The following ITGA9 variants were observed in gnomAD, a reference collection of about 807,000 sequenced individuals.
ITGA9 encodes integrin alpha-9.
ITGA9 carries 56 observed loss-of-function variants against 127.8 expected under a neutral mutation model. That is an observed-to-expected ratio of 0.44 (90% CI 0.35 to 0.55). ITGA9 has a LOEUF of 0.55. ITGA9 is among the 20% of genes least tolerant of loss of function. The pLI is 0.00. For missense variants in ITGA9, 1,196 were observed against 1,347.1 expected, an observed-to-expected ratio of 0.89 and a Z score of 1.76; for synonymous variants, 508 against 514.5, an observed-to-expected ratio of 0.99 and a Z score of 0.17.
chr3:37,782,375 A>C (rs971836294), intron 25 of ITGA9, among the ~76,000 whole-genome samples: 42 of 152,234 alleles, frequency 2.8e-4, no homozygotes, highest in African/African-American at 9.9e-4. Context: ...CTGCTTTTCT[A>C]TCCCGGCAGC....
At chr3:37,765,404 C>G (rs1265929700) in intron 23 of ITGA9, among the ~76,000 whole-genome samples, 1 of 152,138 alleles carries the variant, frequency 6.6e-6, no homozygotes, top group East Asian at 1.9e-4. Flanking sequence ...ATTTCCTTCC[C>G]CCTCAGTTTC....
chr3:37,763,848 T>G (rs1289024046), intron 23 of ITGA9, among the ~76,000 whole-genome samples: 1 of 152,196 alleles, frequency 6.6e-6, no homozygotes, highest in Non-Finnish European at 1.5e-5. Flanking sequence ...ACCCTCAATT[T>G]TTTTTGTGGA....
At position 37,471,010 on chromosome 3, in the gene ITGA9, C is replaced by G; in HGVS notation, c.189C>G (p.Val63=). The G allele has an allele frequency of 6.2e-7, 1 of 1,614,012 alleles. No homozygotes were observed. Among genetic ancestry groups the G allele is most frequent in the Non-Finnish European group, 8.5e-7 (1 of 1,179,954 alleles). The change falls in exon 2 of 28, where the codon GTC becomes GTG. Residue 63 remains valine, a synonymous_variant. Coordinates refer to ENST00000264741, the MANE Select transcript of ITGA9 (RefSeq NM_002207.3). The stretch of plus-strand genomic sequence containing the variant: ...ATGCCTTTTTCTCTTGCTGCAGGGT[C>G]CTTGTGGGCGCACCAAAGGCAGATT... ...LEHFHDNTRW[V]LVGAPKADSK...
chr3:37,558,945 C>A (rs909162007), intron 15 of ITGA9, among the ~76,000 whole-genome samples: 2 of 152,198 alleles, frequency 1.3e-5, no homozygotes, highest in Non-Finnish European at 2.9e-5. Context: ...TGCTGAGCTC[C>A]CTCACATCTG....
rs533840624 is a variant in ITGA9 at position 37,776,247 on chromosome 3, T to C, written c.2542-1145T>C. ...ACTATTGGGTACTAGGCTTAGTACC[T>C]GGGTGATGAAATAATCTGTACCAAA... On this transcript the variant is annotated intron_variant, in intron 23 of 27. Coordinates refer to ENST00000264741, the MANE Select transcript of ITGA9 (RefSeq NM_002207.3). 2.0e-5 allele frequency among the ~76,000 whole-genome samples: 3 copies of C among 152,292 alleles called. No individual in the cohort carries two copies. The South Asian group carries it at 6.2e-4, about 32-fold the overall frequency.
chr3:37,517,014 T>C (rs926734220), intron 9 of ITGA9, among the ~76,000 whole-genome samples: 15 of 152,356 alleles, frequency 9.8e-5, no homozygotes, highest in South Asian at 8.3e-4. Context: ...GCTTGGATTT[T>C]CTGAACCATG....
At chr3:37,815,561 A>T (rs1697420954) in intron 27 of ITGA9, among the ~76,000 whole-genome samples, 1 of 151,352 alleles carries the variant, frequency 6.6e-6, no homozygotes, top group Non-Finnish European at 1.5e-5. Flanking sequence ...GTGAGCCGAG[A>T]TGGCGCCATT....
chr3:37,808,698 A>G (rs1373694351), intron 27 of ITGA9: 2 of 152,142 alleles, frequency 1.3e-5, no homozygotes, highest in African/African-American at 4.8e-5. Flanking sequence ...ACTTAGTGGC[A>G]TTTACCTGGT....
At chr3:37,556,563 T>G (rs1699432998) in intron 15 of ITGA9, among the ~76,000 whole-genome samples, 1 of 152,178 alleles carries the variant, frequency 6.6e-6, no homozygotes, top group Non-Finnish European at 1.5e-5. Context: ...TGACAAGGAC[T>G]CCTCACGTTA....
chr3:37,453,975 C>T (rs1163086118), intron 1 of ITGA9, among the ~76,000 whole-genome samples: 4 of 152,310 alleles, frequency 2.6e-5, no homozygotes, highest in Non-Finnish European at 4.4e-5. Context: ...TCAAATTCCC[C>T]TTTTAAAGCG....
chr3:37,476,385 C>G (rs1438680793), intron 3 of ITGA9, among the ~76,000 whole-genome samples: 3 of 151,946 alleles, frequency 2.0e-5, no homozygotes, highest in Non-Finnish European at 4.4e-5. Context: ...AGTGGCCCTC[C>G]TAATGGGTGT....
intron 15 of ITGA9, among the ~76,000 whole-genome samples, chr3:37,559,475 G>T (rs1260517066): frequency 1.3e-5 from 2 of 152,182 alleles, no homozygotes; most frequent in Non-Finnish European, 2.9e-5. Context: ...TGAAAAATAC[G>T]CAAATGCATC....
At chr3:37,783,018 A>C (rs1696995992) in intron 25 of ITGA9, among the ~76,000 whole-genome samples, 1 of 152,128 alleles carries the variant, frequency 6.6e-6, no homozygotes, top group African/African-American at 2.4e-5. Flanking sequence ...GGGCACCTGT[A>C]GTCTCAGCTA....
At chr3:37,796,940 A>G (rs895982488) in intron 26 of ITGA9, among the ~76,000 whole-genome samples, 1 of 152,124 alleles carries the variant, frequency 6.6e-6, no homozygotes, top group Admixed American at 6.5e-5. Context: ...GGGACTCTGA[A>G]GTATACAGCT....
intron 18 of ITGA9, among the ~76,000 whole-genome samples, chr3:37,724,598 C>T (rs143243552): frequency 7.2e-5 from 11 of 152,094 alleles, no homozygotes; most frequent in Non-Finnish European, 1.6e-4. Context: ...TGGGTCCAAG[C>T]GATTCTCCTG....
chr3:37,567,402 A>G (rs1412444730), intron 15 of ITGA9, among the ~76,000 whole-genome samples: 1 of 152,152 alleles, frequency 6.6e-6, no homozygotes, highest in Non-Finnish European at 1.5e-5. Flanking sequence ...TTGGGTGGGG[A>G]CACAGCCAAG....
chr3:37,736,921 C>A lies in ITGA9; in HGVS notation c.2172C>A (p.Ile724=), dbSNP rs146311426. ...TTCACTAGTATGAATTCAGCGTGAT[C>A]TTTGATACAAGCCACCTGTCTGGGG... The part of the protein sequence containing the change: ...RSKSKYEFSV[I]FDTSHLSGEE... The change falls in exon 20 of 28, where the codon ATC becomes ATA. Residue 724 remains isoleucine, a synonymous_variant. Transcript: ENST00000264741. 324 of 1,613,056 alleles carry A rather than the reference C, an allele frequency of 2.0e-4. 1 individual carries two copies. In the African/African-American group the frequency reaches 3.9e-3, roughly 19 times the overall value.
At chr3:37,465,666 G>A (rs997555211) in intron 1 of ITGA9, among the ~76,000 whole-genome samples, 2 of 152,220 alleles carry the variant, frequency 1.3e-5, no homozygotes, top group African/African-American at 4.8e-5. Flanking sequence ...CTTTGGAAAA[G>A]CAAGGTGATT....
At chr3:37,534,387 T>C (rs565008744) in intron 14 of ITGA9, among the ~76,000 whole-genome samples, 1 of 152,376 alleles carries the variant, frequency 6.6e-6, no homozygotes, top group East Asian at 1.9e-4. Flanking sequence ...TGCAGGACTT[T>C]GGGCTCCGCT....
Sources: gnomAD v4.1 joint callset for allele counts (sites outside exome capture counted in the v4.1 genomes callset) on GRCh38, gnomAD v4.1.1 for gene constraint, MANE v1.5 for transcripts, NCBI Gene and HGNC (gene_info 2026-07-23, HGNC 2026-07-21) for gene names.